The following DLGAP4 variants were observed in gnomAD, a reference collection of about 807,000 sequenced individuals.
DLGAP4 encodes the protein DLG associated protein 4.
DLGAP4 carries 18 observed loss-of-function variants against 86.9 expected under a neutral mutation model. The ratio of observed to expected loss-of-function variants is 0.21; its 90% CI spans 0.14 to 0.31. The LOEUF is 0.31. DLGAP4 is among the 10% of genes least tolerant of loss of function. The pLI is 1.00. For synonymous variants in DLGAP4, 548 were observed against 574.3 expected (o/e 0.95, Z 0.65); for missense variants, 1,085 against 1,362.6 (o/e 0.80, Z 3.21).
chr20:36,453,934 C>CA (rs1194294335), intron 7 of DLGAP4, among the ~76,000 whole-genome samples: 2,370 of 41,258 alleles, frequency 0.057, 60 homozygotes, highest in East Asian at 0.15. Flanking sequence ...ACTCTGTCTC[C>CA]AAAAAAAAAA....
intron 2 of DLGAP4, among the ~76,000 whole-genome samples, chr20:36,414,181 G>A (rs941319303): frequency 1.3e-5 from 2 of 152,188 alleles, no homozygotes; most frequent in Non-Finnish European, 2.9e-5. Flanking sequence ...CCAGGACTGG[G>A]GTCCCAGCCC....
chr20:36,432,108 G>A lies in DLGAP4; in HGVS notation c.391G>A (p.Ala131Thr), dbSNP rs200570655. 2.8e-5 allele frequency: 45 copies of A among 1,614,058 alleles called. No individual in the cohort carries two copies. Among genetic ancestry groups the A allele is most frequent in the Middle Eastern group, 3.3e-4 (2 of 6,084 alleles). The change falls in exon 3 of 13, where the codon GCC becomes ACC. Residue 131 changes from alanine to threonine, a missense_variant. By Grantham distance (58) the Ala-to-Thr change is moderately conservative (BLOSUM62 0). Coordinates refer to ENST00000339266, the MANE Select transcript of DLGAP4 (RefSeq NM_001365621.2). This position sits in a 1 kb window ranked among gnomAD's most constrained non-coding sequence, Gnocchi z 6.5. ...CCAATTTCCCCGTGGCGAGGCCAAGGCCCGTGGTGAGAGCCCTGGCCGCAT... is the reference window on the plus strand; with the variant it reads ...CCAATTTCCCCGTGGCGAGGCCAAGACCCGTGGTGAGAGCCCTGGCCGCAT... Reference protein sequence around the residue: ...TLQFPRGEAKARGESPGRIRH... With the variant: ...TLQFPRGEAKTRGESPGRIRH...
chr20:36,526,136 A>T, intron 12 of DLGAP4, 130 bp downstream of exon 12: 1 of 1,346,884 alleles, frequency 7.4e-7, no homozygotes, highest in Admixed American at 1.7e-5. Flanking sequence ...TCTCACATCC[A>T]TCACTGCGTG....
intron 7 of DLGAP4, among the ~76,000 whole-genome samples, chr20:36,470,386 TGAG>T (rs2034607181): frequency 6.6e-6 from 1 of 152,168 alleles, no homozygotes; most frequent in Admixed American, 6.5e-5. Flanking sequence ...CAGCAGCCCT[TGAG>T]GAGACATTTC....
intron 2 of DLGAP4, among the ~76,000 whole-genome samples, chr20:36,370,045 C>T (rs542490797): frequency 2.6e-5 from 4 of 152,276 alleles, no homozygotes; most frequent in Admixed American, 6.5e-5. Flanking sequence ...CCAGGAAGTT[C>T]CCCGCAAAGG....
intron 2 of DLGAP4, among the ~76,000 whole-genome samples, chr20:36,408,077 T>C (rs2032378300): frequency 6.6e-6 from 1 of 151,630 alleles, no homozygotes; most frequent in South Asian, 2.1e-4. Flanking sequence ...GGTGGGAAGC[T>C]GGTGAGGAAG....
chr20:36,482,460 G>A (rs1274033863), intron 7 of DLGAP4, among the ~76,000 whole-genome samples: 1 of 152,084 alleles, frequency 6.6e-6, no homozygotes, highest in African/African-American at 2.4e-5. Context: ...TGGGCTCTGG[G>A]ATCTTAGGGC....
intron 1 of DLGAP4, among the ~76,000 whole-genome samples, chr20:36,313,201 G>A (rs942751091): frequency 4.6e-5 from 7 of 152,124 alleles, no homozygotes; most frequent in East Asian, 1.9e-4. Context: ...GTGCAGTGAC[G>A]CAGCACCCGA....
rs529270157 is a variant in DLGAP4 at position 36,393,777 on chromosome 20, G to A, written c.-73+26502G>A. On this transcript the variant is annotated intron_variant, in intron 2 of 12. Transcript: ENST00000339266. The surrounding 1 kb of genome is among the most constrained non-coding windows in gnomAD (Gnocchi z 4.4). ...TTAGACATAGATTGGGGTCTTCATTGTTCAGATGAGGAACTGAGGCTCAGA... is the reference window on the plus strand; with the variant it reads ...TTAGACATAGATTGGGGTCTTCATTATTCAGATGAGGAACTGAGGCTCAGA... 2.0e-5 allele frequency among the ~76,000 whole-genome samples: 3 copies of A among 152,182 alleles called. No homozygotes were observed. Among genetic ancestry groups the A allele is most frequent in the Non-Finnish European group, 2.9e-5 (2 of 68,026 alleles).
intron 10 of DLGAP4, among the ~76,000 whole-genome samples, chr20:36,513,554 C>CAAAA (rs562398294): frequency 3.2e-4 from 13 of 40,542 alleles, no homozygotes; most frequent in East Asian, 1.1e-3. Context: ...GACTCCGTCT[C>CAAAA]AAAAAAAAAA....
At chr20:36,497,148 T>G (rs576517901) in intron 8 of DLGAP4, 82 bp downstream of exon 8, 43 of 1,512,014 alleles carry the variant, frequency 2.8e-5, no homozygotes, top group Non-Finnish European at 3.8e-5. Context: ...AGAGGCCCAC[T>G]AGGTCTCCTG....
intron 2 of DLGAP4, among the ~76,000 whole-genome samples, chr20:36,419,269 C>T (rs1260332746): frequency 6.6e-6 from 1 of 151,978 alleles, no homozygotes; most frequent in African/African-American, 2.4e-5. Flanking sequence ...ACTACAGCTG[C>T]GTGCCACCAT....
chr20:36,522,467 T>C (rs2037435031), intron 10 of DLGAP4, among the ~76,000 whole-genome samples: 1 of 152,054 alleles, frequency 6.6e-6, no homozygotes, highest in Admixed American at 6.6e-5. Flanking sequence ...AAGCCTCCTT[T>C]TTTAATTTCA....
chr20:36,380,412 A>G (rs1364190886), intron 2 of DLGAP4, among the ~76,000 whole-genome samples: 5 of 151,924 alleles, frequency 3.3e-5, no homozygotes, highest in Admixed American at 6.6e-5. Flanking sequence ...GTCTCAAAAA[A>G]AGTAAAAATA....
intron 7 of DLGAP4, among the ~76,000 whole-genome samples, chr20:36,483,982 A>T (rs1260870804): frequency 6.6e-6 from 1 of 152,198 alleles, no homozygotes; most frequent in Non-Finnish European, 1.5e-5. Context: ...GATCTCAGCC[A>T]GGCTCTGGCA....
chr20:36,316,355 G>A (rs928780994), intron 1 of DLGAP4, among the ~76,000 whole-genome samples: 2 of 151,210 alleles, frequency 1.3e-5, no homozygotes, highest in East Asian at 3.9e-4. Flanking sequence ...CAGCTCACCT[G>A]AATGACTGGG....
chr20:36,512,859 A>G (rs1000755591), intron 10 of DLGAP4: 1 of 145,306 alleles, frequency 6.9e-6, no homozygotes, highest in African/African-American at 2.5e-5. Flanking sequence ...GGCTGCAGCC[A>G]TGAGCCAGAG....
At chr20:36,509,259 C>T (rs2036553578) in intron 10 of DLGAP4, among the ~76,000 whole-genome samples, 1 of 151,780 alleles carries the variant, frequency 6.6e-6, no homozygotes, top group African/African-American at 2.4e-5. Flanking sequence ...CTCATGTCTA[C>T]TACAAATGAA....
intron 2 of DLGAP4, among the ~76,000 whole-genome samples, chr20:36,410,749 G>T (rs1478370335): frequency 6.6e-6 from 1 of 152,046 alleles, no homozygotes; most frequent in Non-Finnish European, 1.5e-5. Flanking sequence ...CTTGAGGGAC[G>T]TGCCCCCATG....
Sources: allele counts gnomAD v4.1 joint callset (sites outside exome capture counted in the v4.1 genomes callset), GRCh38; gene constraint gnomAD v4.1.1; non-coding constraint Gnocchi (gnomAD v3.1); transcripts MANE v1.5; gene names NCBI Gene and HGNC (gene_info 2026-07-23, HGNC 2026-07-21).